TRIM2: variants seen among roughly 807,000 people sequenced by gnomAD.
The protein encoded by TRIM2 is tripartite motif containing 2, also known as tripartite motif-containing protein 2.
A neutral mutation model predicts 75.2 loss-of-function variants in TRIM2; 20 were observed. The ratio of observed to expected loss-of-function variants is 0.27; its 90% confidence interval spans 0.19 to 0.39. The LOEUF is 0.39. Ranked by LOEUF, TRIM2 falls within the 10% of genes least tolerant of loss-of-function variation. The pLI is 1.00. For synonymous variants in TRIM2, 373 were observed against 388.3 expected (o/e 0.96, Z 0.46); for missense variants, 660 against 990.8 (o/e 0.67, Z 4.48).
intron 1 of TRIM2, among the ~76,000 whole-genome samples, chr4:153,254,749 T>A (rs1212921533): frequency 6.6e-6 from 1 of 152,222 alleles, no homozygotes; most frequent in Non-Finnish European, 1.5e-5. Context: ...TATGTGTGTT[T>A]GTTAGATTCA....
chr4:153,235,682 A>G (rs1744846386), intron 1 of TRIM2, among the ~76,000 whole-genome samples: 1 of 152,248 alleles, frequency 6.6e-6, no homozygotes, highest in Non-Finnish European at 1.5e-5. Flanking sequence ...TCATTTTTAA[A>G]GAAGGCTCAA....
rs545350503 is a variant in TRIM2, at chr4:153,260,933, T to C, written c.31-9402T>C. ...CAATTCAATTGCAGGCAAATTATAATAGGCTGAAATTTTAAAAATTAAGAA... is the reference window on the plus strand; with the variant it reads ...CAATTCAATTGCAGGCAAATTATAACAGGCTGAAATTTTAAAAATTAAGAA... On this transcript the variant is annotated intron_variant, in intron 1 of 11. Transcript: ENST00000338700. 2.0e-5 allele frequency among the ~76,000 whole-genome samples: 3 copies of C among 152,252 alleles called. No individual in the cohort carries two copies. In the South Asian group the frequency reaches 6.2e-4, roughly 32 times the overall value.
intron 1 of TRIM2, chr4:153,257,323 A>T (rs1048872681): frequency 3.4e-5 from 28 of 834,402 alleles, no homozygotes; most frequent in Non-Finnish European, 4.1e-5. Context: ...CACGAATCTC[A>T]TTGCAGCTCG....
At chr4:153,226,471 G>T (rs138279978) in intron 1 of TRIM2, among the ~76,000 whole-genome samples, 125 of 152,312 alleles carry the variant, frequency 8.2e-4, no homozygotes, top group African/African-American at 2.9e-3. Context: ...TCTGGAACAA[G>T]GGCAATTTGT....
Position 153,295,591 on chromosome 4 carries a change from A to C in TRIM2, c.1065A>C (p.Thr355=). 1 of 1,613,536 alleles carries C rather than the reference A, an allele frequency of 6.2e-7. No homozygotes were observed. Among genetic ancestry groups the C allele is most frequent in the Non-Finnish European group, 8.5e-7 (1 of 1,179,636 alleles). ...CCACCAACGCCGTTGCCTCAGAGAC[A>C]GTGGCCACGGGCGAGGGGCTGCGGC... is the stretch of plus-strand genomic sequence containing the variant. ...ILTTNAVASE[T]VATGEGLRQT... Residue 355 remains threonine, a synonymous_variant, in exon 6 of 12, where the codon ACA becomes ACC. Coordinates refer to ENST00000338700, the MANE Select transcript of TRIM2 (RefSeq NM_015271.5). This position sits in a 1 kb window ranked among gnomAD's most constrained non-coding sequence, Gnocchi z 7.2.
intron 1 of TRIM2, among the ~76,000 whole-genome samples, chr4:153,172,769 C>T (rs931465816): frequency 1.3e-5 from 2 of 151,972 alleles, no homozygotes; most frequent in Non-Finnish European, 2.9e-5. Context: ...GGGGGTAGTT[C>T]GACAAGGACT....
intron 1 of TRIM2, among the ~76,000 whole-genome samples, chr4:153,194,148 A>G (rs1733523621): frequency 6.6e-6 from 1 of 152,178 alleles, no homozygotes; most frequent in East Asian, 1.9e-4. Context: ...ATGTAATTTA[A>G]GAGTGAGATG....
intron 1 of TRIM2, among the ~76,000 whole-genome samples, chr4:153,188,452 T>A (rs1732845220): frequency 6.6e-6 from 1 of 152,048 alleles, no homozygotes; most frequent in Admixed American, 6.6e-5. Context: ...AAAGTGAGAC[T>A]CTGTCTCAAA....
intron 1 of TRIM2, among the ~76,000 whole-genome samples, chr4:153,253,640 C>T (rs1000443318): frequency 1.3e-5 from 2 of 152,112 alleles, no homozygotes; most frequent in African/African-American, 2.4e-5. Flanking sequence ...GATAGGACGT[C>T]GGCACAACAT....
chr4:153,228,114 A>G (rs901058684), intron 1 of TRIM2, among the ~76,000 whole-genome samples: 7 of 152,218 alleles, frequency 4.6e-5, no homozygotes, highest in African/African-American at 1.7e-4. Flanking sequence ...GAAAGTGGAT[A>G]AAAGGGTACC....
intron 1 of TRIM2, among the ~76,000 whole-genome samples, chr4:153,182,179 G>A (rs1160057081): frequency 6.6e-6 from 1 of 152,216 alleles, no homozygotes; most frequent in African/African-American, 2.4e-5. Flanking sequence ...ATCAGAACCA[G>A]AAATGAAGCC....
At chr4:153,267,401 C>A (rs2049435919) in intron 1 of TRIM2, among the ~76,000 whole-genome samples, 1 of 152,184 alleles carries the variant, frequency 6.6e-6, no homozygotes, top group Non-Finnish European at 1.5e-5. Flanking sequence ...GCCTGTAATC[C>A]CAGCACTTTG....
At chr4:153,192,483 A>T (rs990704812) in intron 1 of TRIM2, among the ~76,000 whole-genome samples, 1 of 151,708 alleles carries the variant, frequency 6.6e-6, no homozygotes, top group Non-Finnish European at 1.5e-5. Context: ...GGTGGGCGCC[A>T]GTAGTCCCAG....
chr4:153,268,210 T>C (rs1164204220), intron 1 of TRIM2, among the ~76,000 whole-genome samples: 7 of 152,218 alleles, frequency 4.6e-5, no homozygotes, highest in African/African-American at 1.4e-4. Context: ...ATAGTTTTGT[T>C]ATCGCGAAGA....
chr4:153,275,786 G>T, intron 2 of TRIM2, 107 bp from the exon 3 acceptor site: 1 of 1,007,274 alleles, frequency 9.9e-7, no homozygotes, highest in East Asian at 2.4e-5. Context: ...GACTGGGATG[G>T]GAGTTTCTGC....
In TRIM2 at chr4:153,257,556, A is replaced by G. The variant is rs191032240; in HGVS notation, c.31-12779A>G. ...TGTTCTGTGCATGAACTGGCACATC[A>G]CTACTTAGAGCAGAAGATATGCTGG... On this transcript the variant is annotated intron_variant, in intron 1 of 11. Transcript: ENST00000338700. 1.8e-3 allele frequency: 2,313 copies of G among 1,289,516 alleles called. 4 individuals carry two copies. Among genetic ancestry groups the G allele is most frequent in the Non-Finnish European group, 2.1e-3 (2,119 of 988,778 alleles). The allele number at this position is 1,289,516 out of a possible 1,614,324, so 79.9% of individuals were successfully genotyped here.
intron 1 of TRIM2, among the ~76,000 whole-genome samples, chr4:153,164,446 C>T (rs1579256243): frequency 1.3e-5 from 2 of 152,284 alleles, no homozygotes; most frequent in Admixed American, 6.5e-5. Flanking sequence ...CATTCTTCTG[C>T]TAGTTGCTTC....
At chr4:153,178,229 C>T (rs375542854) in intron 1 of TRIM2, among the ~76,000 whole-genome samples, 97 of 152,146 alleles carry the variant, frequency 6.4e-4, no homozygotes, top group African/African-American at 2.3e-3. Context: ...TAATGCAGCT[C>T]GGTTAGCACA....
intron 1 of TRIM2, chr4:153,157,136 G>C (rs527740635): frequency 6.6e-6 from 1 of 152,384 alleles, no homozygotes; most frequent in Admixed American, 6.5e-5. Flanking sequence ...ACAGAAGCCA[G>C]CTTTGTTCAA....
Sources: gnomAD v4.1 joint callset for allele counts (sites outside exome capture counted in the v4.1 genomes callset) on GRCh38, gnomAD v4.1.1 for gene constraint, Gnocchi (gnomAD v3.1) non-coding constraint, MANE v1.5 for transcripts, NCBI Gene and HGNC (gene_info 2026-07-23, HGNC 2026-07-21) for gene names.